SRBD1: variants seen among roughly 807,000 people sequenced by gnomAD.
The protein encoded by SRBD1 is S1 RNA binding domain 1, also known as S1 RNA-binding domain-containing protein 1.
In SRBD1, 88 loss-of-function variants were observed where a neutral mutation model predicts 115.3. The ratio of observed to expected loss-of-function variants is 0.76; its 90% CI spans 0.64 to 0.91. SRBD1 has a LOEUF of 0.91. Ranked by LOEUF, SRBD1 falls within the 40% of genes least tolerant of loss-of-function variation. The probability of loss-of-function intolerance (pLI) is 0.00; values close to 1 mark genes in which losing one functional copy is unlikely to be tolerated. For synonymous variants in SRBD1, 509 were observed against 407.7 expected, an observed-to-expected ratio of 1.25 and a Z score of -2.99; for missense variants, 1,385 against 1,177.4, an observed-to-expected ratio of 1.18 and a Z score of -2.58.
intron 4 of SRBD1, among the ~76,000 whole-genome samples, chr2:45,599,212 A>C (rs1674007724): frequency 1.3e-5 from 2 of 152,200 alleles, no homozygotes; most frequent in African/African-American, 4.8e-5. Context: ...TGTTCACTAA[A>C]ACACCATAGC....
intron 19 of SRBD1, among the ~76,000 whole-genome samples, chr2:45,394,555 T>A (rs556789746): frequency 6.6e-6 from 1 of 152,348 alleles, no homozygotes; most frequent in South Asian, 2.1e-4. Flanking sequence ...ATATCCTATT[T>A]GGCAGGTTGC....
chr2:45,483,481 T>A (rs186647118), intron 15 of SRBD1, among the ~76,000 whole-genome samples: 2 of 152,212 alleles, frequency 1.3e-5, no homozygotes, highest in East Asian at 3.9e-4. Context: ...TCCTCACTCA[T>A]AATATGTCTT....
At chr2:45,554,959 C>G (rs6544830) in intron 10 of SRBD1, among the ~76,000 whole-genome samples, 103,192 of 151,996 alleles carry the variant, frequency 0.68, 36,260 homozygotes, top group African/African-American at 0.84. Context: ...ACATCAGCTA[C>G]TATGAAAGAC....
rs139613843 is a variant in SRBD1, at chr2:45,562,452, T to C, written c.1409+201A>G. Among the ~76,000 whole-genome samples, 265 of 152,324 alleles carry C rather than the reference T, an allele frequency of 1.7e-3. 1 individual carries two copies. Among genetic ancestry groups the C allele is most frequent in the African/African-American group, 6.0e-3 (251 of 41,586 alleles). On this transcript the variant is annotated intron_variant, in intron 10 of 20. Transcript: ENST00000263736. ...TTTCACCATCTTGGCCAGGCTCATA[T>C]TGAACTCCTGACCTCGCGATCCACC...
intron 14 of SRBD1, among the ~76,000 whole-genome samples, chr2:45,505,001 A>C (rs1558440348): frequency 6.6e-6 from 1 of 152,126 alleles, no homozygotes; most frequent in Non-Finnish European, 1.5e-5. Context: ...TACAAAGATC[A>C]AATTAGTATC....
At chr2:45,593,471 G>A (rs1322531192) in intron 4 of SRBD1, among the ~76,000 whole-genome samples, 1 of 152,076 alleles carries the variant, frequency 6.6e-6, no homozygotes, top group Non-Finnish European at 1.5e-5. Context: ...AGATCTGATG[G>A]CTTAAAATGC....
chr2:45,468,672 G>A (rs952264272), intron 16 of SRBD1, among the ~76,000 whole-genome samples: 11 of 152,104 alleles, frequency 7.2e-5, no homozygotes, highest in African/African-American at 2.7e-4. Context: ...ACAGGTGTGA[G>A]CCACCGTGCC....
intron 14 of SRBD1, among the ~76,000 whole-genome samples, chr2:45,508,045 C>G (rs987632886): frequency 6.6e-6 from 1 of 152,104 alleles, no homozygotes; most frequent in African/African-American, 2.4e-5. Flanking sequence ...TAAAGCCTGA[C>G]CGATAGATAT....
At chr2:45,395,387 A>G (rs1188622045) in intron 19 of SRBD1, among the ~76,000 whole-genome samples, 1 of 152,210 alleles carries the variant, frequency 6.6e-6, no homozygotes, top group East Asian at 1.9e-4. Context: ...AGACAGAGAG[A>G]GAGGGAGAGA....
chr2:45,395,705 C>G (rs1667127865), intron 19 of SRBD1, among the ~76,000 whole-genome samples: 1 of 152,134 alleles, frequency 6.6e-6, no homozygotes, highest in African/African-American at 2.4e-5. Context: ...CAACAACAGA[C>G]AGAGGAACTG....
chr2:45,598,255 G>A (rs908053875), intron 4 of SRBD1, among the ~76,000 whole-genome samples: 9 of 152,146 alleles, frequency 5.9e-5, no homozygotes, highest in Non-Finnish European at 1.3e-4. Flanking sequence ...CAAGGTAAGA[G>A]GAAAAGCTGT....
chr2:45,536,442 C>G (rs1264403096), intron 14 of SRBD1, among the ~76,000 whole-genome samples: 2 of 151,920 alleles, frequency 1.3e-5, no homozygotes, highest in African/African-American at 4.8e-5. Flanking sequence ...TTGTGTTTTT[C>G]TCTACTGGAA....
intron 14 of SRBD1, among the ~76,000 whole-genome samples, chr2:45,525,009 G>T (rs751805350): frequency 1.5e-4 from 23 of 151,946 alleles, no homozygotes; most frequent in Non-Finnish European, 2.7e-4. Context: ...AACTGATTAG[G>T]ACAGGGTTCT....
At chr2:45,509,482 G>A (rs1670897600) in intron 14 of SRBD1, among the ~76,000 whole-genome samples, 2 of 151,846 alleles carry the variant, frequency 1.3e-5, no homozygotes, top group Admixed American at 1.3e-4. Flanking sequence ...TGCAGTCCCA[G>A]CTACACGGGA....
At position 45,601,917 on chromosome 2, in the gene SRBD1, C is replaced by G. The variant is rs1238261304; in HGVS notation, c.247G>C (p.Val83Leu). 6 of 1,613,974 alleles carry G rather than the reference C, an allele frequency of 3.7e-6. No homozygotes were observed. The highest frequency in any genetic ancestry group is 5.1e-6 in the Non-Finnish European group (6 of 1,179,982). Residue 83 changes from valine to leucine, a missense_variant, in exon 3 of 21, where the codon GTT becomes CTT. Val to Leu is a conservative substitution (Grantham distance 32). Coordinates refer to ENST00000263736, the MANE Select transcript of SRBD1 (RefSeq NM_018079.5). ...QISDGSEVVVVKEELNSSVAI... is the reference protein window; with the variant it reads ...QISDGSEVVVLKEELNSSVAI... Reference sequence around the variant, plus strand: ...GTAGCACCTACCAGCTCCTCCTTAACAACAACGACTTCTGAGCCATCACTG... The same window carrying G: ...GTAGCACCTACCAGCTCCTCCTTAAGAACAACGACTTCTGAGCCATCACTG...
intron 20 of SRBD1, among the ~76,000 whole-genome samples, chr2:45,391,095 T>A (rs144500321): frequency 6.6e-6 from 1 of 152,202 alleles, no homozygotes; most frequent in East Asian, 1.9e-4. Context: ...CTTGGGGAGG[T>A]CCAGCTGCTG....
rs574175692 is a variant in SRBD1 at position 45,406,230 on chromosome 2, T to C, written c.2513+6884A>G. ...TGGGGAAGGAAAGAGAATCAAGACA[T>C]GGAGGAGCAGTGTAGGGAAGGATGG... On this transcript the variant is annotated intron_variant, in intron 19 of 20. Transcript: ENST00000263736. Among the ~76,000 whole-genome samples the C allele has an allele frequency of 9.9e-5, 15 of 151,970 alleles. No homozygotes were observed. The South Asian group carries it at 2.9e-3, about 30-fold the overall frequency.
intron 16 of SRBD1, among the ~76,000 whole-genome samples, chr2:45,474,736 C>T (rs948522217): frequency 2.6e-5 from 4 of 152,188 alleles, no homozygotes; most frequent in Non-Finnish European, 5.9e-5. Flanking sequence ...TTTTATTTCT[C>T]CATGAGTGTG....
At chr2:45,594,388 C>A (rs1673826284) in intron 4 of SRBD1, among the ~76,000 whole-genome samples, 1 of 152,204 alleles carries the variant, frequency 6.6e-6, no homozygotes, top group Admixed American at 6.5e-5. Context: ...ACTCACCACT[C>A]CCGAAAGAAA....
Sources: allele counts gnomAD v4.1 joint callset (sites outside exome capture counted in the v4.1 genomes callset), GRCh38; gene constraint gnomAD v4.1.1; transcripts MANE v1.5; gene names NCBI Gene and HGNC (gene_info 2026-07-23, HGNC 2026-07-21).